The following GAB4 variants were observed in gnomAD, a reference collection of about 807,000 sequenced individuals.
The protein encoded by GAB4 is GRB2-associated-binding protein 4.
A neutral mutation model predicts 51.3 loss-of-function variants in GAB4; 26 were observed. That is an observed-to-expected ratio of 0.51 (90% CI 0.37 to 0.70). The LOEUF is 0.70. Among genes scored for constraint, GAB4 ranks in the 30% least tolerant of loss-of-function variants. GAB4 has a pLI of 0.00. For missense variants in GAB4, 759 were observed against 734.6 expected, an observed-to-expected ratio of 1.03 and a Z score of -0.38; for synonymous variants, 329 against 291.2, an observed-to-expected ratio of 1.13 and a Z score of -1.32.
At chr22:16,963,151 C>A (rs2060642812) in intron 9 of GAB4, among the ~76,000 whole-genome samples, 1 of 152,186 alleles carries the variant, frequency 6.6e-6, no homozygotes, top group Non-Finnish European at 1.5e-5. Context: ...AGGCCTTCCC[C>A]TCTAAACACT....
At chr22:16,972,938 A>T (rs375039497) in intron 3 of GAB4, among the ~76,000 whole-genome samples, 2 of 151,850 alleles carry the variant, frequency 1.3e-5, no homozygotes, top group South Asian at 2.1e-4. Context: ...CTTCCTAGTT[A>T]CCCTTCCCAC....
chr22:16,963,661 T>G, intron 9 of GAB4, 64 bp downstream of exon 9: 1 of 1,195,190 alleles, frequency 8.4e-7, no homozygotes, highest in Non-Finnish European at 1.2e-6. Flanking sequence ...CTGAAGGGCC[T>G]GGCCCCACAG....
intron 8 of GAB4, among the ~76,000 whole-genome samples, chr22:16,964,449 G>C (rs1177843853): frequency 1.3e-5 from 2 of 152,198 alleles, no homozygotes; most frequent in Non-Finnish European, 2.9e-5. Context: ...GTACATGTGT[G>C]TCTCCCCATG....
At chr22:16,989,096 C>T (rs531883553) in intron 2 of GAB4, among the ~76,000 whole-genome samples, 36 of 152,346 alleles carry the variant, frequency 2.4e-4, no homozygotes, top group African/African-American at 8.2e-4. Flanking sequence ...GTTACCTCCA[C>T]AGCCCAAGCA....
intron 1 of GAB4, among the ~76,000 whole-genome samples, chr22:17,001,571 G>A (rs777425147): frequency 1.1e-4 from 16 of 152,136 alleles, no homozygotes; most frequent in Non-Finnish European, 8.8e-5. Context: ...GCTTCTTTGC[G>A]ATGGGTTCAA....
At chr22:16,994,127 C>A (rs2060933507) in intron 1 of GAB4, among the ~76,000 whole-genome samples, 1 of 152,156 alleles carries the variant, frequency 6.6e-6, no homozygotes, top group Non-Finnish European at 1.5e-5. Flanking sequence ...TTTTTCTACC[C>A]TCTTTACCTT....
intron 3 of GAB4, among the ~76,000 whole-genome samples, chr22:16,975,113 G>GT (rs1410733111): frequency 1.3e-5 from 2 of 152,204 alleles, no homozygotes; most frequent in East Asian, 1.9e-4. Flanking sequence ...AGCTGTAGGA[G>GT]TTTTTTTCCA....
At chr22:16,970,223 G>A (rs767290234) in intron 3 of GAB4, 30 bp from the exon 4 acceptor site, 3 of 1,612,314 alleles carry the variant, frequency 1.9e-6, no homozygotes, top group Admixed American at 1.7e-5. Flanking sequence ...GAAGGGGCAG[G>A]GGTGAGAGGA....
intron 3 of GAB4, among the ~76,000 whole-genome samples, chr22:16,971,490 G>A (rs1216608462): frequency 6.6e-6 from 1 of 152,216 alleles, no homozygotes; most frequent in African/African-American, 2.4e-5. Context: ...AGCAAGTATG[G>A]ATCTAGGTCT....
At chr22:16,988,917 A>T (rs1480162951) in intron 2 of GAB4, among the ~76,000 whole-genome samples, 1 of 152,122 alleles carries the variant, frequency 6.6e-6, no homozygotes, top group Non-Finnish European at 1.5e-5. Context: ...ACTCAAATTC[A>T]CATGCAGACT....
intron 3 of GAB4, among the ~76,000 whole-genome samples, chr22:16,987,671 C>T (rs1323498419): frequency 6.6e-6 from 1 of 152,192 alleles, no homozygotes; most frequent in Non-Finnish European, 1.5e-5. Flanking sequence ...TTCTGAAACT[C>T]TAGCCTCTAA....
intron 1 of GAB4, 25 bp downstream of exon 1, chr22:17,007,916 G>A (rs370070912): frequency 2.0e-6 from 3 of 1,464,314 alleles, no homozygotes; most frequent in Admixed American, 2.2e-5. Context: ...GGCGCTCCTG[G>A]TACCGCCCCC....
At chr22:16,996,147 A>T (rs1396399464) in intron 1 of GAB4, among the ~76,000 whole-genome samples, 1 of 151,888 alleles carries the variant, frequency 6.6e-6, no homozygotes. Flanking sequence ...ACAGTACGAG[A>T]ACCTTGTGAA....
chr22:16,991,313 GAAA>G (rs59969063), intron 2 of GAB4, among the ~76,000 whole-genome samples: 1 of 117,324 alleles, frequency 8.5e-6, no homozygotes, highest in African/African-American at 3.2e-5. Flanking sequence ...TCTGCCTCAG[GAAA>G]AAAAAAAAAA....
chr22:16,988,392 C>T (rs902371769), intron 2 of GAB4, among the ~76,000 whole-genome samples: 1 of 152,210 alleles, frequency 6.6e-6, no homozygotes, highest in African/African-American at 2.4e-5. Context: ...CTCATAGTGC[C>T]CTGGGCCCTG....
chr22:16,993,978 C>T (rs916071326), intron 1 of GAB4, among the ~76,000 whole-genome samples: 8 of 152,092 alleles, frequency 5.3e-5, no homozygotes, highest in African/African-American at 1.4e-4. Flanking sequence ...AACACCCTCT[C>T]GCTCACAAAC....
chr22:16,988,166 G>A lies in GAB4; in HGVS notation c.480C>T (p.Gly160=), dbSNP rs200944025. 6.2e-7 allele frequency: 1 copy of A among 1,606,600 alleles called. No individual in the cohort carries two copies. Among genetic ancestry groups the A allele is most frequent in the Non-Finnish European group, 8.5e-7 (1 of 1,173,826 alleles). ...TGGCTGAGGAAATGTTTCCCAGGAA[G>A]CCTGTGAATGAAACAGGAAGGAAGG... ...ICGFRQEEST[G]FLGNISSASH... is the part of the protein sequence containing the mutation. The change falls in exon 3 of 10, where the codon GGC becomes GGT. Residue 160 remains glycine, a splice_region_variant and synonymous_variant. Transcript: ENST00000400588.
intron 2 of GAB4, 85 bp downstream of exon 2, chr22:16,991,788 T>C: frequency 1.7e-6 from 2 of 1,162,264 alleles, no homozygotes; most frequent in Non-Finnish European, 2.5e-6. Context: ...TTGGCAGTGT[T>C]GGCAGCTAGA....
chr22:16,980,901 C>T (rs1347540395), intron 3 of GAB4, among the ~76,000 whole-genome samples: 3 of 151,918 alleles, frequency 2.0e-5, no homozygotes, highest in Non-Finnish European at 1.5e-5. Flanking sequence ...GCAAACTTAC[C>T]CTAGAACCGA....
Sources: gnomAD v4.1 joint callset for allele counts (sites outside exome capture counted in the v4.1 genomes callset) on GRCh38, gnomAD v4.1.1 for gene constraint, MANE v1.5 for transcripts, NCBI Gene and HGNC (gene_info 2026-07-23, HGNC 2026-07-21) for gene names.